GRIK4: variants seen among roughly 807,000 people sequenced by gnomAD.
The protein encoded by GRIK4 is glutamate ionotropic receptor kainate type subunit 4.
In GRIK4, 40 loss-of-function variants were observed where a neutral mutation model predicts 104.9. The observed-to-expected ratio is 0.38, with a 90% CI of 0.30 to 0.50. The LOEUF is 0.50. GRIK4 is among the 20% of genes least tolerant of loss of function. The probability of loss-of-function intolerance (pLI) is 0.93; values close to 1 mark genes in which losing one functional copy is unlikely to be tolerated. For synonymous variants in GRIK4, 485 were observed against 524.9 expected (o/e 0.92, Z 1.04); for missense variants, 1,047 against 1,308.1 (o/e 0.80, Z 3.08).
At chr11:120,784,249 C>G (rs949441611) in intron 3 of GRIK4, among the ~76,000 whole-genome samples, 5 of 152,198 alleles carry the variant, frequency 3.3e-5, no homozygotes, top group African/African-American at 1.2e-4. Context: ...TGGATAAATA[C>G]TCCCTTCCCT....
At chr11:120,839,451 C>T (rs772364673) in intron 8 of GRIK4, among the ~76,000 whole-genome samples, 7 of 152,172 alleles carry the variant, frequency 4.6e-5, no homozygotes, top group Non-Finnish European at 8.8e-5. Flanking sequence ...TAAGTGGACA[C>T]TAATAGTACC....
chr11:120,853,159 G>A (rs1030825531), intron 8 of GRIK4, among the ~76,000 whole-genome samples: 6 of 152,134 alleles, frequency 3.9e-5, no homozygotes, highest in Admixed American at 3.9e-4. Context: ...TGTAAAGGGG[G>A]CATGATTGAG....
chr11:120,741,765 T>TGCACAGGCAA (rs1194461741), intron 3 of GRIK4, among the ~76,000 whole-genome samples: 9 of 152,208 alleles, frequency 5.9e-5, no homozygotes, highest in Non-Finnish European at 1.2e-4. Flanking sequence ...CACGCATACA[T>TGCACAGGCAA]GCACAGGCAA....
rs1233935015 is a variant in GRIK4 at position 120,967,003 on chromosome 11, G to A, written c.2267-192G>A. ...ACACTGCGTGAAGCCAGAATGCCCCGCTCTTCCGGGGGAGCCCCAGTGGAG... is the reference window on the plus strand; with the variant it reads ...ACACTGCGTGAAGCCAGAATGCCCCACTCTTCCGGGGGAGCCCCAGTGGAG... On this transcript the variant is annotated intron_variant, in intron 18 of 20. Coordinates refer to ENST00000527524, the MANE Select transcript of GRIK4 (RefSeq NM_014619.5). This position sits in a 1 kb window ranked among gnomAD's most constrained non-coding sequence, Gnocchi z 4.2. 1.3e-5 allele frequency among the ~76,000 whole-genome samples: 2 copies of A among 152,174 alleles called. No individual in the cohort carries two copies. The highest frequency in any genetic ancestry group is 2.9e-5 in the Non-Finnish European group (2 of 68,030).
At chr11:120,972,102 G>A (rs1424998601) in intron 19 of GRIK4, among the ~76,000 whole-genome samples, 2 of 152,174 alleles carry the variant, frequency 1.3e-5, no homozygotes, top group Admixed American at 6.5e-5. Flanking sequence ...TTTATTTAAT[G>A]TAAGAATTTT....
Position 120,910,237 on chromosome 11 carries a change from C to T in GRIK4, c.1476+4744C>T, listed in dbSNP as rs549563965. ...TCCTGTTACAACAGCGGAAAGCATA[C>T]AGAGACCATGGGCTTAGACACACGG... On this transcript the variant is annotated intron_variant, in intron 13 of 20. Coordinates refer to ENST00000527524, the MANE Select transcript of GRIK4 (RefSeq NM_014619.5). Among the ~76,000 whole-genome samples, 10 of 152,338 alleles carry T rather than the reference C, an allele frequency of 6.6e-5. No individual in the cohort carries two copies. The East Asian group carries it at 1.4e-3, about 21-fold the overall frequency.
At chr11:120,826,704 A>C (rs1474034292) in intron 6 of GRIK4, among the ~76,000 whole-genome samples, 2 of 152,234 alleles carry the variant, frequency 1.3e-5, no homozygotes, top group Non-Finnish European at 2.9e-5. Context: ...ACCTGTGAGC[A>C]AGAAGCCTCA....
intron 1 of GRIK4, among the ~76,000 whole-genome samples, chr11:120,608,321 T>C (rs1282896221): frequency 6.6e-6 from 1 of 152,176 alleles, no homozygotes; most frequent in Non-Finnish European, 1.5e-5. Context: ...ACCCCATCTA[T>C]ACAAAAAGTA....
rs534883029 is a variant in GRIK4 at position 120,519,885 on chromosome 11, T to G, written c.-159+7998T>G. ...TACTGGTTTTTTTTTTTTTTGTTTT[T>G]TTTTTTGTTGTTGTTGTTTTTTTTT... is the stretch of plus-strand genomic sequence containing the variant. On this transcript the variant is annotated intron_variant, in intron 1 of 20. Coordinates refer to ENST00000527524, the MANE Select transcript of GRIK4 (RefSeq NM_014619.5). 8.6e-3 allele frequency among the ~76,000 whole-genome samples: 1,277 copies of G among 148,856 alleles called. 11 individuals carry two copies. The highest frequency in any genetic ancestry group is 0.01 in the African/African-American group (409 of 39,604).
At chr11:120,884,422 C>T (rs543737113) in intron 11 of GRIK4, among the ~76,000 whole-genome samples, 5 of 152,294 alleles carry the variant, frequency 3.3e-5, no homozygotes, top group East Asian at 1.9e-4. Context: ...GTGAGCGAGA[C>T]GCCCAGGGCC....
rs192018904 is a variant in GRIK4, at chr11:120,925,514, C to T, written c.1477-14833C>T. Among the ~76,000 whole-genome samples, 62 of 152,284 alleles carry T rather than the reference C, an allele frequency of 4.1e-4. 1 individual carries two copies. The highest frequency in any genetic ancestry group is 1.4e-3 in the African/African-American group (57 of 41,562). ...ACCAGTTAGCTTTGCCCGTTGTCAGCGACCCAGAGCTTAACCAGCTGTTTT... is the reference window on the plus strand; with the variant it reads ...ACCAGTTAGCTTTGCCCGTTGTCAGTGACCCAGAGCTTAACCAGCTGTTTT... On this transcript the variant is annotated intron_variant, in intron 13 of 20. Coordinates refer to ENST00000527524, the MANE Select transcript of GRIK4 (RefSeq NM_014619.5).
At chr11:120,813,462 A>G (rs1055058109) in intron 4 of GRIK4, among the ~76,000 whole-genome samples, 1 of 151,764 alleles carries the variant, frequency 6.6e-6, no homozygotes, top group Non-Finnish European at 1.5e-5. Context: ...ATTTGAAGAG[A>G]CTCTTCAAAG....
At chr11:120,884,910 T>C (rs1256287723) in intron 11 of GRIK4, among the ~76,000 whole-genome samples, 1 of 152,248 alleles carries the variant, frequency 6.6e-6, no homozygotes, top group Admixed American at 6.5e-5. Flanking sequence ...CCCTCCAGCA[T>C]GCTACTGACT....
At chr11:120,529,926 T>C (rs1947905932) in intron 1 of GRIK4, among the ~76,000 whole-genome samples, 1 of 152,192 alleles carries the variant, frequency 6.6e-6, no homozygotes, top group Non-Finnish European at 1.5e-5. Context: ...ATGCCCCGAG[T>C]CACACAGCTG....
chr11:120,763,090 G>A (rs550096922), intron 3 of GRIK4, among the ~76,000 whole-genome samples: 7 of 152,168 alleles, frequency 4.6e-5, no homozygotes, highest in African/African-American at 1.7e-4. Flanking sequence ...TTTTATGGTT[G>A]GTAGGCTATT....
chr11:120,902,771 ACT>A lies in GRIK4; in HGVS notation c.1273-2516_1273-2515del, dbSNP rs1385165796. Among the ~76,000 whole-genome samples the A allele has an allele frequency of 4.6e-5, 7 of 152,078 alleles. No individual in the cohort carries two copies. The highest frequency in any genetic ancestry group is 1.7e-4 in the African/African-American group (7 of 41,396). On this transcript the variant is annotated intron_variant, in intron 12 of 20. Transcript: ENST00000527524. The surrounding 1 kb of genome is among the most constrained non-coding windows in gnomAD (Gnocchi z 4.5). ...GGTTGGCACAGAAGGAGGCAGTGTGACTCTGCGGACAAAGATGACTAGGTGAG... is the reference window on the plus strand; with the variant it reads ...GGTTGGCACAGAAGGAGGCAGTGTGACTGCGGACAAAGATGACTAGGTGAG...
chr11:120,751,688 G>A (rs1447502061), intron 3 of GRIK4, among the ~76,000 whole-genome samples: 3 of 152,154 alleles, frequency 2.0e-5, no homozygotes, highest in African/African-American at 7.2e-5. Flanking sequence ...ACCAGGAAAC[G>A]ATTCTGCAGG....
At chr11:120,924,353 A>G (rs1304306701) in intron 13 of GRIK4, among the ~76,000 whole-genome samples, 1 of 152,182 alleles carries the variant, frequency 6.6e-6, no homozygotes, top group African/African-American at 2.4e-5. Flanking sequence ...TCCTCACCAC[A>G]GAGTCAGCAG....
chr11:120,595,070 A>G (rs927993495), intron 1 of GRIK4, among the ~76,000 whole-genome samples: 2 of 152,226 alleles, frequency 1.3e-5, no homozygotes, highest in African/African-American at 4.8e-5. Flanking sequence ...CAAAGGGATA[A>G]TGAATGCCTT....
Sources: allele counts gnomAD v4.1 joint callset (sites outside exome capture counted in the v4.1 genomes callset), GRCh38; gene constraint gnomAD v4.1.1; non-coding constraint Gnocchi (gnomAD v3.1); transcripts MANE v1.5; gene names NCBI Gene and HGNC (gene_info 2026-07-23, HGNC 2026-07-21).